The following SPTLC3 variants were observed in gnomAD, a reference collection of about 807,000 sequenced individuals.
SPTLC3 encodes the protein serine palmitoyltransferase 3.
In SPTLC3, 36 loss-of-function variants were observed where a neutral mutation model predicts 59.3. That is an observed-to-expected ratio of 0.61 (90% CI 0.47 to 0.80). The LOEUF (loss-of-function observed/expected upper bound fraction) is 0.80. Among genes scored for constraint, SPTLC3 ranks in the 30% least tolerant of loss-of-function variants. SPTLC3 has a pLI of 0.00. For missense variants in SPTLC3, 625 were observed against 685.1 expected, an observed-to-expected ratio of 0.91 and a Z score of 0.98; for synonymous variants, 257 against 240.8, an observed-to-expected ratio of 1.07 and a Z score of -0.62.
chr20:13,165,045 C>A lies in SPTLC3; in HGVS notation c.*178C>A, dbSNP rs2038966838. ...ATGTCTCCAGCTTGGACTGCAGAGA[C>A]AAAAACATGATTCCAGATTTAAGTC... On this transcript the variant is annotated 3_prime_UTR_variant, in exon 12 of 12. Transcript: ENST00000399002. 1.3e-5 allele frequency: 7 copies of A among 547,200 alleles called. No homozygotes were observed. Among genetic ancestry groups the A allele is most frequent in the Non-Finnish European group, 3.2e-6 (1 of 308,254 alleles). 33.9% of individuals were successfully genotyped at this position (547,200 alleles called of 1,614,324 possible).
In SPTLC3 at chr20:13,067,079, A is replaced by G. The variant is rs1217202284; in HGVS notation, c.304-5177A>G. Among the ~76,000 whole-genome samples the G allele has an allele frequency of 3.2e-4, 2 of 6,216 alleles. 1 individual carries two copies. Among genetic ancestry groups the G allele is most frequent in the Non-Finnish European group, 6.3e-4 (2 of 3,154 alleles). The allele number at this position is 6,216 out of a possible 152,430, so 4.1% of individuals were successfully genotyped here. Reference sequence around the variant, plus strand: ...TATATATATATATATATATATATATATATATATATATATATATATATATGT... The same window carrying G: ...TATATATATATATATATATATATATGTATATATATATATATATATATATGT... On this transcript the variant is annotated intron_variant, in intron 2 of 11. Coordinates refer to ENST00000399002, the MANE Select transcript of SPTLC3 (RefSeq NM_018327.4).
intron 6 of SPTLC3, among the ~76,000 whole-genome samples, chr20:13,099,920 A>G (rs891966126): frequency 6.6e-6 from 1 of 152,230 alleles, no homozygotes; most frequent in African/African-American, 2.4e-5. Context: ...ACAGGTTTTA[A>G]GAATGGCCAC....
intron 11 of SPTLC3, chr20:13,164,480 C>A (rs2038958241): frequency 1.9e-6 from 1 of 534,048 alleles, no homozygotes. Flanking sequence ...AAGCATGGGT[C>A]ACATGTTTTT....
intron 2 of SPTLC3, among the ~76,000 whole-genome samples, chr20:13,058,611 T>C (rs1987825238): frequency 6.6e-6 from 1 of 152,170 alleles, no homozygotes; most frequent in South Asian, 2.1e-4. Flanking sequence ...CAAACAAGCT[T>C]CCCAAGTGAT....
chr20:13,041,723 T>A (rs923162200), intron 1 of SPTLC3, among the ~76,000 whole-genome samples: 2 of 152,162 alleles, frequency 1.3e-5, no homozygotes, highest in African/African-American at 4.8e-5. Flanking sequence ...TGAATACTAA[T>A]CACTGCCCTC....
At chr20:13,080,490 G>A (rs1337474595) in intron 4 of SPTLC3, among the ~76,000 whole-genome samples, 2 of 112,382 alleles carry the variant, frequency 1.8e-5, no homozygotes, top group Non-Finnish European at 3.5e-5. Flanking sequence ...CCTCATGACC[G>A]AGTGAAAATC....
At chr20:13,093,931 T>A (rs1489283224) in intron 6 of SPTLC3, among the ~76,000 whole-genome samples, 2 of 152,114 alleles carry the variant, frequency 1.3e-5, no homozygotes, top group East Asian at 3.9e-4. Context: ...AAGACTTAAG[T>A]TTTGTGTTAA....
intron 2 of SPTLC3, among the ~76,000 whole-genome samples, chr20:13,060,056 A>C (rs1472032835): frequency 6.6e-6 from 1 of 152,092 alleles, no homozygotes; most frequent in African/African-American, 2.4e-5. Flanking sequence ...GTACCTCCTG[A>C]CTTTCAGCTA....
chr20:13,162,492 T>C (rs554809527), intron 11 of SPTLC3, among the ~76,000 whole-genome samples: 3 of 152,246 alleles, frequency 2.0e-5, no homozygotes, highest in African/African-American at 7.2e-5. Flanking sequence ...TTAATGTACA[T>C]GTAAGAGAAA....
At chr20:13,033,263 A>G (rs1986581341) in intron 1 of SPTLC3, among the ~76,000 whole-genome samples, 1 of 152,202 alleles carries the variant, frequency 6.6e-6, no homozygotes, top group Non-Finnish European at 1.5e-5. Flanking sequence ...CATAATACAT[A>G]AGCCACCAAA....
intron 10 of SPTLC3, among the ~76,000 whole-genome samples, chr20:13,156,614 T>G (rs2038774370): frequency 6.6e-6 from 1 of 152,230 alleles, no homozygotes; most frequent in Admixed American, 6.5e-5. Context: ...CCATACAGCA[T>G]TTGGCATGTT....
chr20:13,126,300 T>C (rs1199332631), intron 8 of SPTLC3, among the ~76,000 whole-genome samples: 2 of 152,248 alleles, frequency 1.3e-5, no homozygotes, highest in Non-Finnish European at 2.9e-5. Flanking sequence ...ACTCAACAAA[T>C]GCTTCAGGAA....
At chr20:13,085,255 C>G (rs2876323) in intron 4 of SPTLC3, among the ~76,000 whole-genome samples, 72,633 of 151,904 alleles carry the variant, frequency 0.48, 17,385 homozygotes, top group East Asian at 0.52. Flanking sequence ...GAAAAACAAA[C>G]TCACTCAAAA....
chr20:13,123,447 A>T (rs2037914674), intron 8 of SPTLC3, among the ~76,000 whole-genome samples: 1 of 152,176 alleles, frequency 6.6e-6, no homozygotes, highest in Non-Finnish European at 1.5e-5. Context: ...CTCCGAGGTA[A>T]GTATTACTAT....
Position 13,110,375 on chromosome 20 carries a change from G to C in SPTLC3, c.932+158G>C, listed in dbSNP as rs534288493. Among the ~76,000 whole-genome samples, 120 of 152,304 alleles carry C rather than the reference G, an allele frequency of 7.9e-4. 1 individual carries two copies. The highest frequency in any genetic ancestry group is 2.7e-3 in the African/African-American group (113 of 41,566). ...GAGCCACCAATGGGAGCTGTCAGAC[G>C]TGGGTTATCTGTCTTTTTGATGACT... On this transcript the variant is annotated intron_variant, in intron 7 of 11. Coordinates refer to ENST00000399002, the MANE Select transcript of SPTLC3 (RefSeq NM_018327.4).
At chr20:13,122,119 C>G (rs921073831) in intron 8 of SPTLC3, among the ~76,000 whole-genome samples, 1 of 152,194 alleles carries the variant, frequency 6.6e-6, no homozygotes, top group African/African-American at 2.4e-5. Flanking sequence ...GCCACCTTTC[C>G]TCCATCTCTA....
intron 9 of SPTLC3, among the ~76,000 whole-genome samples, chr20:13,136,514 C>A (rs1380909766): frequency 6.6e-6 from 1 of 151,698 alleles, no homozygotes. Context: ...GTGGGAGGAT[C>A]ACTTGACCCT....
chr20:13,036,052 T>G (rs1459835278), intron 1 of SPTLC3, among the ~76,000 whole-genome samples: 1 of 152,132 alleles, frequency 6.6e-6, no homozygotes, highest in African/African-American at 2.4e-5. Context: ...GAGAAATAAA[T>G]GGCAGCTTTG....
At chr20:13,083,054 C>T (rs1235110141) in intron 4 of SPTLC3, among the ~76,000 whole-genome samples, 1 of 152,166 alleles carries the variant, frequency 6.6e-6, no homozygotes, top group Non-Finnish European at 1.5e-5. Flanking sequence ...AGAGTTAGAC[C>T]TGGTAGTACA....
Sources: allele counts gnomAD v4.1 joint callset (sites outside exome capture counted in the v4.1 genomes callset), GRCh38; gene constraint gnomAD v4.1.1; transcripts MANE v1.5; gene names NCBI Gene and HGNC (gene_info 2026-07-23, HGNC 2026-07-21).